HERC2: variants seen among roughly 807,000 people sequenced by gnomAD.
The protein encoded by HERC2 is HECT and RLD domain containing E3 ubiquitin protein ligase 2.
HERC2 carries 102 observed loss-of-function variants against 537.7 expected under a neutral mutation model. The observed-to-expected ratio is 0.19, with a 90% CI of 0.16 to 0.22. The LOEUF is 0.22. Ranked by LOEUF, HERC2 falls within the 10% of genes least tolerant of loss-of-function variation. The pLI is 1.00. For synonymous variants in HERC2, 2,224 were observed against 2,466.2 expected (o/e 0.90, Z 2.91); for missense variants, 4,236 against 6,198.2 (o/e 0.68, Z 10.63).
In HERC2 at chr15:28,229,709, C is replaced by G; in HGVS notation, c.4948G>C (p.Asp1650His). 6.2e-7 allele frequency: 1 copy of G among 1,611,896 alleles called. No homozygotes were observed. The highest frequency in any genetic ancestry group is 8.5e-7 in the Non-Finnish European group (1 of 1,179,764). ...AEFALKEEPV[D>H]VEKMRKCLLK... ...AGGCACTTTCTCATTTTTTCCACATCCACTGGCTCTTCTTTAAGGGCAAAT... is the reference window on the plus strand; with the variant it reads ...AGGCACTTTCTCATTTTTTCCACATGCACTGGCTCTTCTTTAAGGGCAAAT... The change falls in exon 32 of 93, where the codon GAT (aspartate) becomes CAT (histidine). Residue 1650 changes from aspartate to histidine, a missense_variant. By Grantham distance (81) the Asp-to-His change is moderately conservative. Coordinates refer to ENST00000261609, the MANE Select transcript of HERC2 (RefSeq NM_004667.6).
intron 69 of HERC2, among the ~76,000 whole-genome samples, chr15:28,160,431 G>A (rs920179498): frequency 1.3e-4 from 20 of 152,210 alleles, no homozygotes; most frequent in African/African-American, 7.2e-5. Context: ...CCTCAGCAAC[G>A]GTGGACGCCC....
chr15:28,132,364 T>C lies in HERC2; in HGVS notation c.12409-103A>G, dbSNP rs1429547525. 5 of 1,113,720 alleles carry C rather than the reference T, an allele frequency of 4.5e-6. No homozygotes were observed. The African/African-American group carries it at 7.9e-5, about 18-fold the overall frequency. 69.0% of individuals were successfully genotyped at this position (1,113,720 alleles called of 1,614,324 possible). A position where few individuals can be genotyped will look rare whatever the true frequency, so the allele number is the denominator to read the frequency against. ...ATTCTTTTTTTATGGGGGTACCTGT[T>C]TTAAGCCTTTACAAAGAGGTGATTT... On this transcript the variant is annotated intron_variant, in intron 80 of 92. Transcript: ENST00000261609.
At chr15:28,142,470 C>A (rs528854635) in intron 75 of HERC2, 77 bp from the exon 76 acceptor site, 2 of 1,414,042 alleles carry the variant, frequency 1.4e-6, no homozygotes, top group Non-Finnish European at 1.9e-6. Context: ...TGGCTCCTTC[C>A]GCAGGACCTC....
At chr15:28,297,003 C>T (rs990626114) in intron 3 of HERC2, among the ~76,000 whole-genome samples, 2 of 152,176 alleles carry the variant, frequency 1.3e-5, no homozygotes, top group Admixed American at 1.3e-4. Context: ...TACTTGCTTG[C>T]GGGCATACGC....
rs1478795485 is a variant in HERC2 at position 28,301,763 on chromosome 15, A to G, written c.73-2247T>C. 3.8e-4 allele frequency among the ~76,000 whole-genome samples: 42 copies of G among 109,144 alleles called. 2 individuals carry two copies. The highest frequency in any genetic ancestry group is 1.4e-3 in the East Asian group (6 of 4,306). 71.6% of individuals were successfully genotyped at this position (109,144 alleles called of 152,430 possible). On this transcript the variant is annotated intron_variant, in intron 2 of 92. Transcript: ENST00000261609. ...TATATATATATATATATATATATAT[A>G]TATATATATATATATATGGGTTATA...
intron 35 of HERC2, among the ~76,000 whole-genome samples, chr15:28,225,145 TG>T (rs1900989108): frequency 6.6e-6 from 1 of 152,140 alleles, no homozygotes; most frequent in African/African-American, 2.4e-5. Flanking sequence ...CCCAGCACTT[TG>T]GGAGGCTGAG....
In HERC2 at chr15:28,238,661, C is replaced by T. The variant is rs781275066; in HGVS notation, c.3689G>A (p.Gly1230Glu). The change falls in exon 24 of 93, where the codon GGG becomes GAG. Residue 1230 changes from glycine to glutamate, a missense_variant. Physicochemically the swap from Gly to Glu is moderately conservative, Grantham distance 98. Transcript: ENST00000261609. ...GAAGTCCTTTATATCATACACCTTC[C>T]CGTCAATCACAGTCCAGAAGCCTCC... Reference protein sequence around the residue: ...KDGGFWTVIDGKVYDIKDFQT... With the variant: ...KDGGFWTVIDEKVYDIKDFQT... 1 of 1,611,518 alleles carries T rather than the reference C, an allele frequency of 6.2e-7. No individual in the cohort carries two copies. Among genetic ancestry groups the T allele is most frequent in the East Asian group, 2.2e-5 (1 of 44,868 alleles).
intron 2 of HERC2, among the ~76,000 whole-genome samples, chr15:28,318,711 G>A (rs1380160069): frequency 6.6e-6 from 1 of 152,108 alleles, no homozygotes; most frequent in Non-Finnish European, 1.5e-5. Flanking sequence ...TGCATTAGAG[G>A]TTGCTGGATG....
chr15:28,217,155 C>T (rs1481141820), intron 38 of HERC2, among the ~76,000 whole-genome samples: 1 of 152,192 alleles, frequency 6.6e-6, no homozygotes, highest in East Asian at 1.9e-4. Context: ...CCAACCCTCA[C>T]TGACTTACAC....
At chr15:28,239,172 G>GA (rs903952406) in intron 23 of HERC2, among the ~76,000 whole-genome samples, 3 of 151,862 alleles carry the variant, frequency 2.0e-5, no homozygotes, top group African/African-American at 7.2e-5. Flanking sequence ...AAAATTCTAA[G>GA]AAAAAAATGA....
chr15:28,197,529 G>C (rs1897461466), intron 50 of HERC2, among the ~76,000 whole-genome samples: 1 of 152,102 alleles, frequency 6.6e-6, no homozygotes, highest in Non-Finnish European at 1.5e-5. Context: ...TGAGGCAGGC[G>C]GATCAATAGG....
At chr15:28,244,537 A>G (rs1903469421) in intron 23 of HERC2, among the ~76,000 whole-genome samples, 2 of 152,196 alleles carry the variant, frequency 1.3e-5, no homozygotes, top group African/African-American at 4.8e-5. Context: ...GCTGTGACAC[A>G]GTTCTCTCTA....
intron 12 of HERC2, 61 bp from the exon 13 acceptor site, chr15:28,266,035 T>G: frequency 6.4e-7 from 1 of 1,564,142 alleles, no homozygotes; most frequent in South Asian, 1.1e-5. Context: ...CTTATTAATG[T>G]TAACAAAGGA....
intron 78 of HERC2, among the ~76,000 whole-genome samples, chr15:28,136,460 A>G (rs1045136816): frequency 3.9e-5 from 6 of 152,238 alleles, no homozygotes; most frequent in Admixed American, 1.3e-4. Flanking sequence ...GGTGCAGGGT[A>G]ATGCAGCATG....
chr15:28,148,984 AAC>A (rs1892081932), intron 70 of HERC2, among the ~76,000 whole-genome samples: 2 of 151,556 alleles, frequency 1.3e-5, no homozygotes, highest in South Asian at 4.2e-4. Context: ...TTACCAAAAA[AAC>A]ACACACGGCT....
rs535186721 is a variant in HERC2 at position 28,252,542 on chromosome 15, A to C, written c.3050+1798T>G. Among the ~76,000 whole-genome samples, 3 of 152,322 alleles carry C rather than the reference A, an allele frequency of 2.0e-5. No individual in the cohort carries two copies. In the South Asian group the frequency reaches 6.2e-4, roughly 32 times the overall value. ...AACTTCCATGTTCTCATTGATTCTT[A>C]ATTAACTCCATGAAAGTAAACACGG... On this transcript the variant is annotated intron_variant, in intron 20 of 92. Transcript: ENST00000261609.
rs368609644 is a variant in HERC2, at chr15:28,162,780, A to T, written c.10746+314T>A. ...GTGGTGGGCACCTGTAGTCCCAGCTACTTGGAAGGCTGAGGCAGGAGAATG... is the reference window on the plus strand; with the variant it reads ...GTGGTGGGCACCTGTAGTCCCAGCTTCTTGGAAGGCTGAGGCAGGAGAATG... On this transcript the variant is annotated intron_variant, in intron 69 of 92. Coordinates refer to ENST00000261609, the MANE Select transcript of HERC2 (RefSeq NM_004667.6). Among the ~76,000 whole-genome samples the T allele has an allele frequency of 1.5e-3, 226 of 152,284 alleles. 2 individuals are homozygous for T. In the South Asian group the frequency reaches 0.038, roughly 26 times the overall value.
chr15:28,276,017 T>C (rs2075862165), intron 5 of HERC2, among the ~76,000 whole-genome samples: 2 of 151,488 alleles, frequency 1.3e-5, no homozygotes, highest in Admixed American at 1.3e-4. Flanking sequence ...CGAAACCCTG[T>C]CTCCACTAAA....
rs188067331 is a variant in HERC2, at chr15:28,113,337, G to A, written c.14020-54C>T. ...TGATGCTTCCCACCCTGGCATTTCCGCAAGACTCCGTCACGCTCCCTCTCT... is the reference window on the plus strand; with the variant it reads ...TGATGCTTCCCACCCTGGCATTTCCACAAGACTCCGTCACGCTCCCTCTCT... On this transcript the variant is annotated intron_variant, in intron 91 of 92. Coordinates refer to ENST00000261609, the MANE Select transcript of HERC2 (RefSeq NM_004667.6). The surrounding 1 kb of genome is among the most constrained non-coding windows in gnomAD (Gnocchi z 7.0). 6.4e-6 allele frequency: 10 copies of A among 1,551,970 alleles called. No individual in the cohort carries two copies. The highest frequency in any genetic ancestry group is 1.7e-4 in the Middle Eastern group (1 of 5,946).
Sources: allele counts gnomAD v4.1 joint callset (sites outside exome capture counted in the v4.1 genomes callset), GRCh38; gene constraint gnomAD v4.1.1; non-coding constraint Gnocchi (gnomAD v3.1); transcripts MANE v1.5; gene names NCBI Gene and HGNC (gene_info 2026-07-23, HGNC 2026-07-21).